DLG2: variants seen among roughly 807,000 people sequenced by gnomAD.
DLG2 encodes disks large homolog 2.
In DLG2, 45 loss-of-function variants were observed where a neutral mutation model predicts 132.5. The ratio of observed to expected loss-of-function variants is 0.34; its 90% confidence interval spans 0.27 to 0.44. The LOEUF (loss-of-function observed/expected upper bound fraction) is 0.44, where lower values mean the gene tolerates loss of function less well. DLG2 is among the 20% of genes least tolerant of loss of function. The pLI, the probability that DLG2 is intolerant of heterozygous loss-of-function variation, is 1.00. For synonymous variants in DLG2, 424 were observed against 419.6 expected (o/e 1.01, Z -0.13); for missense variants, 1,045 against 1,196.9 (o/e 0.87, Z 1.87).
chr11:85,487,850 T>C (rs2093464936), intron 3 of DLG2, among the ~76,000 whole-genome samples: 1 of 152,168 alleles, frequency 6.6e-6, no homozygotes, highest in South Asian at 2.1e-4. Flanking sequence ...GATTTTGCCA[T>C]GGCACATTAT....
chr11:84,778,548 C>A (rs886523200), intron 6 of DLG2, among the ~76,000 whole-genome samples: 1 of 152,118 alleles, frequency 6.6e-6, no homozygotes, highest in African/African-American at 2.4e-5. Flanking sequence ...GCAGTATAGT[C>A]ATGTTAACAA....
rs1041376087 is a variant in DLG2, at chr11:83,650,469, A to T, written c.1826-17144T>A. Reference sequence around the variant, plus strand: ...ATTTCTTATAGAGTCTTCACGGGGGACTAGCCTTGCTCACACCTTGACTTT... The same window carrying T: ...ATTTCTTATAGAGTCTTCACGGGGGTCTAGCCTTGCTCACACCTTGACTTT... On this transcript the variant is annotated intron_variant, in intron 18 of 27. Transcript: ENST00000376104. Among the ~76,000 whole-genome samples the T allele has an allele frequency of 1.2e-4, 19 of 152,280 alleles. 2 individuals are homozygous for T. Among genetic ancestry groups the T allele is most frequent in the African/African-American group, 4.3e-4 (18 of 41,566 alleles).
intron 7 of DLG2, among the ~76,000 whole-genome samples, chr11:84,365,494 T>G (rs1466503889): frequency 6.6e-6 from 1 of 152,146 alleles, no homozygotes; most frequent in Non-Finnish European, 1.5e-5. Flanking sequence ...TGAAGGGTTT[T>G]TTATGTCTCT....
chr11:84,179,526 G>C (rs2096062659), intron 8 of DLG2, among the ~76,000 whole-genome samples: 1 of 152,114 alleles, frequency 6.6e-6, no homozygotes, highest in South Asian at 2.1e-4. Flanking sequence ...TGACAGTCAT[G>C]AACTCCAGAG....
At chr11:84,801,086 G>A (rs1001665466) in intron 6 of DLG2, among the ~76,000 whole-genome samples, 3 of 152,058 alleles carry the variant, frequency 2.0e-5, no homozygotes, top group Non-Finnish European at 4.4e-5. Flanking sequence ...AATAGGAGTC[G>A]ATCTTAATTC....
intron 7 of DLG2, among the ~76,000 whole-genome samples, chr11:84,475,373 GA>G (rs1442277773): frequency 2.0e-5 from 3 of 151,972 alleles, no homozygotes; most frequent in African/African-American, 4.8e-5. Flanking sequence ...AGTTTAGAAA[GA>G]AAAAAAGCAA....
At chr11:84,170,245 T>C (rs1416165909) in intron 8 of DLG2, among the ~76,000 whole-genome samples, 1 of 152,198 alleles carries the variant, frequency 6.6e-6, no homozygotes, top group Non-Finnish European at 1.5e-5. Context: ...GGCTTGAATT[T>C]ATCCTCCCAT....
intron 6 of DLG2, among the ~76,000 whole-genome samples, chr11:84,818,139 A>G (rs2077269160): frequency 6.6e-6 from 1 of 152,016 alleles, no homozygotes; most frequent in Admixed American, 6.6e-5. Context: ...TCAGAGGAGA[A>G]TGACTTCAAG....
intron 6 of DLG2, among the ~76,000 whole-genome samples, chr11:85,049,852 T>C (rs1011649877): frequency 1.3e-5 from 2 of 152,020 alleles, no homozygotes; most frequent in South Asian, 2.1e-4. Context: ...GGGGAAAATA[T>C]AGTTAGAAGA....
At chr11:84,904,071 A>G (rs1286262529) in intron 6 of DLG2, among the ~76,000 whole-genome samples, 2 of 152,298 alleles carry the variant, frequency 1.3e-5, no homozygotes, top group South Asian at 2.1e-4. Context: ...CCAAACTGAC[A>G]AAGATTACCA....
intron 6 of DLG2, among the ~76,000 whole-genome samples, chr11:84,734,613 A>G (rs567777666): frequency 9.9e-5 from 15 of 152,228 alleles, no homozygotes; most frequent in South Asian, 2.1e-4. Flanking sequence ...TCTTTTCCCA[A>G]TTGAATACCC....
At chr11:85,466,654 G>C (rs1433459099) in intron 3 of DLG2, among the ~76,000 whole-genome samples, 2 of 152,164 alleles carry the variant, frequency 1.3e-5, no homozygotes, top group African/African-American at 4.8e-5. Flanking sequence ...GCTCTGTCCT[G>C]TTCCATTGGT....
intron 3 of DLG2, among the ~76,000 whole-genome samples, chr11:85,357,875 A>C (rs1159433211): frequency 6.6e-6 from 1 of 151,236 alleles, no homozygotes; most frequent in East Asian, 2.0e-4. Flanking sequence ...AAATTGAAGA[A>C]CAGGAAGGAT....
chr11:84,498,473 T>C (rs2099192076), intron 7 of DLG2, among the ~76,000 whole-genome samples: 1 of 152,002 alleles, frequency 6.6e-6, no homozygotes, highest in Non-Finnish European at 1.5e-5. Flanking sequence ...CTTACCACAT[T>C]CTAAGGTTCT....
At chr11:84,769,965 G>C (rs1482224806) in intron 6 of DLG2, among the ~76,000 whole-genome samples, 1 of 152,072 alleles carries the variant, frequency 6.6e-6, no homozygotes, top group African/African-American at 2.4e-5. Flanking sequence ...AAGAGATCTC[G>C]GTATAGTTCA....
At chr11:84,788,123 A>AAAAAAAAAAAAAAAAAAAAC (rs2073233361) in intron 6 of DLG2, among the ~76,000 whole-genome samples, 1 of 149,884 alleles carries the variant, frequency 6.7e-6, no homozygotes, top group Non-Finnish European at 1.5e-5. Flanking sequence ...AAAAAAAAAA[A>AAAAAAAAAAAAAAAAAAAAC]AAGAAGAAGA....
At chr11:84,920,965 C>T (rs1248704838) in intron 6 of DLG2, among the ~76,000 whole-genome samples, 2 of 151,964 alleles carry the variant, frequency 1.3e-5, no homozygotes, top group Non-Finnish European at 2.9e-5. Flanking sequence ...ATAACTGTAA[C>T]AAGAATCATG....
intron 26 of DLG2, among the ~76,000 whole-genome samples, chr11:83,465,845 G>A (rs1192530585): frequency 6.6e-6 from 1 of 152,176 alleles, no homozygotes; most frequent in South Asian, 2.1e-4. Context: ...TAACTGATCA[G>A]TGGCAAAGTA....
intron 18 of DLG2, among the ~76,000 whole-genome samples, chr11:83,749,686 C>G (rs2153733317): frequency 6.6e-6 from 1 of 152,274 alleles, no homozygotes; most frequent in East Asian, 1.9e-4. Flanking sequence ...CTGAGGGGGT[C>G]TGATGAGTTC....
Sources: allele counts gnomAD v4.1 joint callset (sites outside exome capture counted in the v4.1 genomes callset), GRCh38; gene constraint gnomAD v4.1.1; transcripts MANE v1.5; gene names NCBI Gene and HGNC (gene_info 2026-07-23, HGNC 2026-07-21).